IRX2: variants seen among roughly 807,000 people sequenced by gnomAD.
IRX2 encodes the protein iroquois-class homeodomain protein IRX-2.
IRX2 carries 26 observed loss-of-function variants against 42.9 expected under a neutral mutation model. The observed-to-expected ratio is 0.61, with a 90% CI of 0.44 to 0.84. The LOEUF is 0.84. IRX2 is among the 40% of genes least tolerant of loss of function. IRX2 has a pLI of 0.00. For synonymous variants in IRX2, 424 were observed against 353.9 expected (o/e 1.20, Z -2.22); for missense variants, 782 against 713.9 (o/e 1.10, Z -1.09).
At chr5:2,739,124 C>T in the IRX2 span, among the ~76,000 whole-genome samples, 2 of 152,232 alleles carry the variant, frequency 1.3e-5, no homozygotes, top group African/African-American at 4.8e-5. Context: ...CTTTGTAGGG[C>T]CTGTGAAATC....
Position 2,751,351 on chromosome 5 carries a change from C to T in IRX2, c.63G>A (p.Pro21=). The T allele has an allele frequency of 1.4e-6, 2 of 1,438,618 alleles. No individual in the cohort carries two copies. Among genetic ancestry groups the T allele is most frequent in the Admixed American group, 2.6e-5 (1 of 39,106 alleles). The allele number at this position is 1,438,618 out of a possible 1,614,324, so 89.1% of individuals were successfully genotyped here. Residue 21 remains proline, a synonymous_variant, in exon 1 of 4, where the codon CCG becomes CCA. Coordinates refer to ENST00000302057, the MANE Select transcript of IRX2 (RefSeq NM_033267.5). The surrounding 1 kb of genome is among the most constrained non-coding windows in gnomAD (Gnocchi z 4.0). ...APGSLALYSC[P]AYGASALAAP... ...CCGCCAAAGCCGACGCGCCGTAGGC[C>T]GGGCACGAGTAGAGCGCCAGCGAGC...
chr5:2,743,362 G>A (rs577181625), downstream of IRX2, among the ~76,000 whole-genome samples: 12 of 152,300 alleles, frequency 7.9e-5, no homozygotes, highest in Admixed American at 1.3e-4. Context: ...ACGGGCGCGG[G>A]AGGCAGCGCC....
At chr5:2,743,731 A>G (rs4391173), downstream of IRX2, among the ~76,000 whole-genome samples, 113,308 of 152,172 alleles carry the variant, frequency 0.74, 43,030 homozygotes, top group South Asian at 0.82. Flanking sequence ...GACCCCATTA[A>G]CTTCCCTCTC....
rs1737675636 is a variant in IRX2, at chr5:2,746,721, T to G, written c.*843A>C. Reference sequence around the variant, plus strand: ...TGTTGTATCTGTAAATTTATGAGCTTGGGAAGAGAGAATGGCCTGCTGACT... The same window carrying G: ...TGTTGTATCTGTAAATTTATGAGCTGGGGAAGAGAGAATGGCCTGCTGACT... On this transcript the variant is annotated 3_prime_UTR_variant, in exon 4 of 4. Coordinates refer to ENST00000302057, the MANE Select transcript of IRX2 (RefSeq NM_033267.5). 6.8e-6 allele frequency: 1 copy of G among 146,046 alleles called. No individual in the cohort carries two copies. Among genetic ancestry groups the G allele is most frequent in the Non-Finnish European group, 1.5e-5 (1 of 66,636 alleles). The allele number at this position is 146,046 out of a possible 1,614,324, so 9.0% of individuals were successfully genotyped here. A position where few individuals can be genotyped will look rare whatever the true frequency, so the allele number is the denominator to read the frequency against.
Position 2,748,794 on chromosome 5 carries a change from C to T in IRX2, c.914G>A (p.Arg305His), listed in dbSNP as rs1737794073. The T allele has an allele frequency of 7.0e-7, 1 of 1,419,086 alleles. No homozygotes were observed. The highest frequency in any genetic ancestry group is 3.0e-5 in the East Asian group (1 of 33,606). The allele number at this position is 1,419,086 out of a possible 1,614,324, so 87.9% of individuals were successfully genotyped here. Residue 305 changes from arginine (R) to histidine (H), a missense_variant, in exon 3 of 4, where the codon CGC (arginine) becomes CAC (histidine). Arg to His is a conservative substitution (Grantham distance 29). Coordinates refer to ENST00000302057, the MANE Select transcript of IRX2 (RefSeq NM_033267.5). ...LLSPPPEAAPRGGRKTPQGSR... is the reference protein window; with the variant it reads ...LLSPPPEAAPHGGRKTPQGSR... ...GCCCTGGGGCGTCTTGCGGCCACCG[C>T]GGGGCGCGGCCTCGGGCGGGGGGCT...
chr5:2,736,541 C>T, the IRX2 span: 1 of 152,120 alleles, frequency 6.6e-6, no homozygotes, highest in African/African-American at 2.4e-5. Flanking sequence ...TTATTTCTTA[C>T]ATTTGATTTG....
chr5:2,751,366 C>T lies in IRX2; in HGVS notation c.48G>A (p.Ala16=). The change falls in exon 1 of 4, where the codon GCG becomes GCA. Residue 16 remains alanine (A), a synonymous_variant. Coordinates refer to ENST00000302057, the MANE Select transcript of IRX2 (RefSeq NM_033267.5). This position sits in a 1 kb window ranked among gnomAD's most constrained non-coding sequence, Gnocchi z 4.0. ...GYLYQAPGSL[A]LYSCPAYGAS... is the part of the protein sequence containing the mutation. ...CGCCGTAGGCCGGGCACGAGTAGAG[C>T]GCCAGCGAGCCGGGCGCCTGGTACA... 7.0e-7 allele frequency: 1 copy of T among 1,428,896 alleles called. No individual in the cohort carries two copies. 88.5% of individuals were successfully genotyped at this position (1,428,896 alleles called of 1,614,324 possible).
the IRX2 span, among the ~76,000 whole-genome samples, chr5:2,738,731 C>A: frequency 1.3e-5 from 2 of 152,158 alleles, no homozygotes; most frequent in African/African-American, 4.8e-5. Context: ...ACGCTTGGGC[C>A]TCCCTCCTCC....
the IRX2 span, among the ~76,000 whole-genome samples, chr5:2,740,010 T>C: frequency 1.3e-5 from 2 of 152,126 alleles, no homozygotes; most frequent in Non-Finnish European, 2.9e-5. Context: ...TCGCGGGTTC[T>C]TCTGGGTCGG....
At chr5:2,746,163 T>C (rs1385403443), downstream of IRX2, 1 of 152,172 alleles carries the variant, frequency 6.6e-6, no homozygotes, top group African/African-American at 2.4e-5. Context: ...CCAAACATCA[T>C]ATTATTGTAG....
At chr5:2,747,845 CA>C (rs1179653164) in intron 3 of IRX2, among the ~76,000 whole-genome samples, 1 of 152,160 alleles carries the variant, frequency 6.6e-6, no homozygotes, top group Non-Finnish European at 1.5e-5. Context: ...GGCAACATAG[CA>C]CAGGGGAAAA....
At position 2,749,705 on chromosome 5, in the gene IRX2, T is replaced by C; in HGVS notation, c.332A>G (p.Gln111Arg). ...HPYGSAAYPY[Q>R]LNDPAYRKNA... is the part of the protein sequence containing the mutation. ...CTTGCGGTACGCGGGGTCGTTGAGCTGGTACGGGTAGGCCGCGCTGCCGTA... is the reference window on the plus strand; with the variant it reads ...CTTGCGGTACGCGGGGTCGTTGAGCCGGTACGGGTAGGCCGCGCTGCCGTA... Residue 111 changes from glutamine (Q) to arginine (R), a missense_variant, in exon 2 of 4, where the codon CAG becomes CGG. This residue lies in a region of IRX2 where 256 missense variants were observed against 250.0 expected (regional missense o/e 1.02). Coordinates refer to ENST00000302057, the MANE Select transcript of IRX2 (RefSeq NM_033267.5). 1.2e-6 allele frequency: 2 copies of C among 1,614,072 alleles called. No homozygotes were observed. The highest frequency in any genetic ancestry group is 1.7e-6 in the Non-Finnish European group (2 of 1,180,002).
chr5:2,744,687 G>C (rs371141632), downstream of IRX2, among the ~76,000 whole-genome samples: 7 of 152,298 alleles, frequency 4.6e-5, no homozygotes, highest in South Asian at 1.0e-3. Context: ...AGATAGCTCA[G>C]CTCCACACAC....
intron 2 of IRX2, 117 bp downstream of exon 2, chr5:2,749,265 C>T: frequency 1.4e-6 from 2 of 1,464,044 alleles, no homozygotes; most frequent in Non-Finnish European, 1.8e-6. Flanking sequence ...TGTGGTGCGG[C>T]TGGGGCTCCG....
Position 2,746,419 on chromosome 5 carries a change from T to C in IRX2, c.*1145A>G. The C allele has an allele frequency of 6.6e-6, 1 of 152,266 alleles. No homozygotes were observed. The highest frequency in any genetic ancestry group is 1.5e-5 in the Non-Finnish European group (1 of 68,048). The allele number at this position is 152,266 out of a possible 1,614,324, so 9.4% of individuals were successfully genotyped here. ...AAGTTCTTCCATCACGTTTTATTTCTACTGTGTACATCTTTTACAAATAAA... is the reference window on the plus strand; with the variant it reads ...AAGTTCTTCCATCACGTTTTATTTCCACTGTGTACATCTTTTACAAATAAA... On this transcript the variant is annotated 3_prime_UTR_variant, in exon 4 of 4. Coordinates refer to ENST00000302057, the MANE Select transcript of IRX2 (RefSeq NM_033267.5).
At chr5:2,735,748 G>T in the IRX2 span, among the ~76,000 whole-genome samples, 1 of 152,172 alleles carries the variant, frequency 6.6e-6, no homozygotes, top group African/African-American at 2.4e-5. Context: ...GAAGTTAGAA[G>T]GAAACTGAGA....
the IRX2 span, among the ~76,000 whole-genome samples, chr5:2,737,956 C>G: frequency 6.6e-6 from 1 of 152,220 alleles, no homozygotes; most frequent in Non-Finnish European, 1.5e-5. Context: ...CCCCCTGCAG[C>G]CCACAGCCCA....
chr5:2,749,433 C>G lies in IRX2; in HGVS notation c.604G>C (p.Glu202Gln), dbSNP rs556984337. Residue 202 changes from glutamate (E) to glutamine (Q), a missense_variant, in exon 2 of 4, where the codon GAG (glutamate) becomes CAG (glutamine). Physicochemically the swap from Glu to Gln is conservative, Grantham distance 29. Coordinates refer to ENST00000302057, the MANE Select transcript of IRX2 (RefSeq NM_033267.5). The part of the protein sequence containing the change: ...DEGDATRSKD[E>Q]SPDKAQEGTE... The stretch of plus-strand genomic sequence containing the variant: ...CCCTCCTGCGCCTTGTCGGGACTCT[C>G]GTCCTTGCTTCTGGTAGCGTCGCCC... The G allele has an allele frequency of 4.3e-6, 7 of 1,614,176 alleles. No homozygotes were observed. In the African/African-American group the frequency reaches 6.7e-5, roughly 15 times the overall value.
rs896844361 is a variant in IRX2, at chr5:2,751,029, G to C, written c.249+136C>G. On this transcript the variant is annotated intron_variant, in intron 1 of 3. Transcript: ENST00000302057. The surrounding 1 kb of genome is among the most constrained non-coding windows in gnomAD (Gnocchi z 4.0). Reference sequence around the variant, plus strand: ...GGCTCAGCCTGCGGGGCGGCCAACCGAGCCGGCGACTCCTGAGTCGCCAGC... The same window carrying C: ...GGCTCAGCCTGCGGGGCGGCCAACCCAGCCGGCGACTCCTGAGTCGCCAGC... The C allele has an allele frequency of 1.9e-6, 2 of 1,047,032 alleles. No homozygotes were observed. The highest frequency in any genetic ancestry group is 4.7e-5 in the Admixed American group (1 of 21,194). 64.9% of individuals were successfully genotyped at this position (1,047,032 alleles called of 1,614,324 possible).
Sources: gnomAD v4.1 joint callset for allele counts (sites outside exome capture counted in the v4.1 genomes callset) on GRCh38, gnomAD v4.1.1 for gene constraint, gnomAD v4.1.1 regional missense constraint, Gnocchi (gnomAD v3.1) non-coding constraint, MANE v1.5 for transcripts, NCBI Gene and HGNC (gene_info 2026-07-23, HGNC 2026-07-21) for gene names.